RNF213: variants seen among roughly 807,000 people sequenced by gnomAD.
The protein encoded by RNF213 is ring finger protein 213.
In RNF213, 341 loss-of-function variants were observed where a neutral mutation model predicts 514.4. The observed-to-expected ratio is 0.66, with a 90% CI of 0.61 to 0.73. RNF213 has a LOEUF of 0.73. Ranked by LOEUF, RNF213 falls within the 30% of genes least tolerant of loss-of-function variation. The probability of loss-of-function intolerance (pLI) is 0.00; values close to 1 mark genes in which losing one functional copy is unlikely to be tolerated. For synonymous variants in RNF213, 2,655 were observed against 2,658.2 expected, an observed-to-expected ratio of 1.00 and a Z score of 0.04; for missense variants, 5,767 against 6,615.6, an observed-to-expected ratio of 0.87 and a Z score of 4.45.
At chr17:80,307,303 C>A in intron 13 of RNF213, 102 bp downstream of exon 13, 2 of 871,628 alleles carry the variant, frequency 2.3e-6, no homozygotes, top group Non-Finnish European at 1.9e-6. Context: ...GTTGTAACAG[C>A]AAGGTCATAA....
intron 3 of RNF213, among the ~76,000 whole-genome samples, chr17:80,275,476 T>C (rs1341067616): frequency 1.3e-5 from 2 of 151,872 alleles, no homozygotes; most frequent in Non-Finnish European, 2.9e-5. Flanking sequence ...CTTGGGGGAA[T>C]AAAATTTTGA....
chr17:80,354,538 C>G lies in RNF213; in HGVS notation c.10824C>G (p.Ala3608=), dbSNP rs773484495. The G allele has an allele frequency of 5.0e-6, 8 of 1,614,062 alleles. No individual in the cohort carries two copies. The highest frequency in any genetic ancestry group is 4.4e-5 in the South Asian group (4 of 91,086). Residue 3608 remains alanine, a synonymous_variant, in exon 36 of 68, where the codon GCC becomes GCG. Transcript: ENST00000582970. The part of the protein sequence containing the change: ...FHPLEWLARE[A]CNQDALQEAG... The stretch of plus-strand genomic sequence containing the variant: ...CTCTGGAGTGGTTGGCAAGGGAAGC[C>G]TGCAACCAGGACGCTCTCCAGGAGG...
Position 80,347,211 on chromosome 17 carries a change from T to A in RNF213, c.8876T>A (p.Leu2959His), listed in dbSNP as rs1376449803. 1 of 1,613,500 alleles carries A rather than the reference T, an allele frequency of 6.2e-7. No homozygotes were observed. Among genetic ancestry groups the A allele is most frequent in the Non-Finnish European group, 8.5e-7 (1 of 1,179,846 alleles). The change falls in exon 29 of 68, where the codon CTC becomes CAC. Residue 2959 changes from leucine (L) to histidine (H), a missense_variant. By Grantham distance (99) the Leu-to-His change is moderately conservative. Coordinates refer to ENST00000582970, the MANE Select transcript of RNF213 (RefSeq NM_001256071.3). The surrounding 1 kb of genome is among the most constrained non-coding windows in gnomAD (Gnocchi z 7.2). Reference sequence around the variant, plus strand: ...TTCGGGCTTCGTGACTACTACAGCCTCATCAAAATGGTCTTTGCTGCAGCA... The same window carrying A: ...TTCGGGCTTCGTGACTACTACAGCCACATCAAAATGGTCTTTGCTGCAGCA... ...EFFGLRDYYS[L>H]IKMVFAAAKA...
chr17:80,299,805 AC>A (rs551959547), intron 11 of RNF213, among the ~76,000 whole-genome samples: 64 of 152,224 alleles, frequency 4.2e-4, no homozygotes, highest in African/African-American at 1.5e-3. Context: ...ACAAGTGAGA[AC>A]CTGCGGTATT....
chr17:80,290,488 T>C (rs2044677435), intron 6 of RNF213, 82 bp from the exon 7 acceptor site: 1 of 1,304,174 alleles, frequency 7.7e-7, no homozygotes, highest in Non-Finnish European at 1.1e-6. Flanking sequence ...TGTGCGCACG[T>C]GTGTGTGTGC....
chr17:80,290,433 G>GTGTGTGCA, intron 6 of RNF213, 137 bp from the exon 7 acceptor site: 5 of 1,017,278 alleles, frequency 4.9e-6, no homozygotes, highest in Non-Finnish European at 7.6e-6. Flanking sequence ...GAGTGTGCGC[G>GTGTGTGCA]TGTGTGCATG....
At chr17:80,309,475 C>T (rs982129612) in intron 14 of RNF213, among the ~76,000 whole-genome samples, 1 of 152,176 alleles carries the variant, frequency 6.6e-6, no homozygotes, top group Non-Finnish European at 1.5e-5. Context: ...GGCTGGGGGT[C>T]AGGCAACGCC....
chr17:80,332,249 C>T lies in RNF213; in HGVS notation c.3761C>T (p.Ala1254Val). The stretch of plus-strand genomic sequence containing the variant: ...GAGCCTAAGGAGGACCAGGAAGCCG[C>T]AGAGTTGCTGAGTGAGCCCGAAGAA... ...LSEPKEDQEAAELLSEPEEES... is the reference protein window; with the variant it reads ...LSEPKEDQEAVELLSEPEEES... Residue 1254 changes from alanine to valine, a missense_variant, in exon 21 of 68, where the codon GCA becomes GTA. Physicochemically the swap from Ala to Val is moderately conservative, Grantham distance 64. This residue lies in a region of RNF213 where 516 missense variants were observed against 566.5 expected (regional missense o/e 0.91). Transcript: ENST00000582970. 1 of 1,537,228 alleles carries T rather than the reference C, an allele frequency of 6.5e-7. No individual in the cohort carries two copies. The highest frequency in any genetic ancestry group is 8.7e-7 in the Non-Finnish European group (1 of 1,146,928).
intron 18 of RNF213, among the ~76,000 whole-genome samples, chr17:80,326,217 C>T (rs572853616): frequency 9.9e-5 from 15 of 152,260 alleles, no homozygotes; most frequent in East Asian, 3.9e-4. Flanking sequence ...GCTGACCTCC[C>T]GGGCTCACGT....
chr17:80,352,805 T>C, intron 32 of RNF213, 135 bp from the exon 33 acceptor site: 5 of 1,381,308 alleles, frequency 3.6e-6, no homozygotes, highest in Non-Finnish European at 5.1e-6. Context: ...CATTCCAGGG[T>C]TTCGGCTTCA....
chr17:80,267,428 C>T (rs1038441491), intron 2 of RNF213, among the ~76,000 whole-genome samples: 3 of 151,980 alleles, frequency 2.0e-5, no homozygotes, highest in African/African-American at 4.8e-5. Context: ...GGCGACAGAG[C>T]GAGACTCCAT....
At chr17:80,342,792 C>T (rs889213677) in intron 26 of RNF213, among the ~76,000 whole-genome samples, 5 of 147,372 alleles carry the variant, frequency 3.4e-5, no homozygotes, top group East Asian at 2.0e-4. Context: ...GACAGAGTTT[C>T]GCTCTGTCAC....
chr17:80,374,524 C>G lies in RNF213; in HGVS notation c.13009C>G (p.Leu4337Val). 2 of 1,614,234 alleles carry G rather than the reference C, an allele frequency of 1.2e-6. No homozygotes were observed. Among genetic ancestry groups the G allele is most frequent in the Non-Finnish European group, 1.7e-6 (2 of 1,180,050 alleles). ...YLVYGDEYKA[L>V]RDAVAKAVLE... ...GGTGTACGGCGATGAATACAAGGCT[C>G]TCCGTGATGCTGTGGCCAAAGCTGT... Residue 4337 changes from leucine to valine, a missense_variant, in exon 50 of 68, where the codon CTC (leucine) becomes GTC (valine). Around this residue, in one of 13 missense-constraint regions of RNF213, gnomAD observed 1,245 missense variants for 1,339.0 expected, o/e 0.93. Transcript: ENST00000582970.
chr17:80,317,337 C>T lies in RNF213; in HGVS notation c.2901+60C>T. The T allele has an allele frequency of 6.8e-7, 1 of 1,468,254 alleles. No individual in the cohort carries two copies. Among genetic ancestry groups the T allele is most frequent in the Non-Finnish European group, 9.4e-7 (1 of 1,059,716 alleles). 91.0% of individuals were successfully genotyped at this position (1,468,254 alleles called of 1,614,324 possible). ...TGAAGGCAAGCTGGAGAACCCCAGACCATTAGCGACAGCCAAGAGATCTCA... is the reference window on the plus strand; with the variant it reads ...TGAAGGCAAGCTGGAGAACCCCAGATCATTAGCGACAGCCAAGAGATCTCA... On this transcript the variant is annotated intron_variant, in intron 16 of 67. Transcript: ENST00000582970. This position sits in a 1 kb window ranked among gnomAD's most constrained non-coding sequence, Gnocchi z 4.1.
Position 80,364,469 on chromosome 17 carries a change from C to T in RNF213, c.11787C>T (p.Phe3929=), listed in dbSNP as rs780485953. 7.4e-6 allele frequency: 12 copies of T among 1,614,026 alleles called. No individual in the cohort carries two copies. The highest frequency in any genetic ancestry group is 4.5e-5 in the East Asian group (2 of 44,892). The change falls in exon 42 of 68, where the codon TTC becomes TTT. Residue 3929 remains phenylalanine, a synonymous_variant. Coordinates refer to ENST00000582970, the MANE Select transcript of RNF213 (RefSeq NM_001256071.3). The part of the protein sequence containing the change: ...QWSRIFSTAL[F]VEHVLLGTES... ...GTCGGATTTTCTCCACCGCACTCTTCGTGGAGCACGTGCTCCTAGGAACCG... is the reference window on the plus strand; with the variant it reads ...GTCGGATTTTCTCCACCGCACTCTTTGTGGAGCACGTGCTCCTAGGAACCG...
Position 80,288,618 on chromosome 17 carries a change from T to A in RNF213, c.811-15T>A. On this transcript the variant is annotated splice_polypyrimidine_tract_variant and intron_variant, in intron 4 of 67. Transcript: ENST00000582970. The surrounding 1 kb of genome is among the most constrained non-coding windows in gnomAD (Gnocchi z 4.9). Reference sequence around the variant, plus strand: ...CCATTTTGTCACCTTGGCTCTGGTGTTTGGGGTCTTTCAGGCAGTTGATGC... The same window carrying A: ...CCATTTTGTCACCTTGGCTCTGGTGATTGGGGTCTTTCAGGCAGTTGATGC... 6.2e-7 allele frequency: 1 copy of A among 1,614,084 alleles called. No homozygotes were observed. The highest frequency in any genetic ancestry group is 8.5e-7 in the Non-Finnish European group (1 of 1,180,020).
At chr17:80,274,845 A>G (rs1366676233) in intron 3 of RNF213, among the ~76,000 whole-genome samples, 1 of 21,370 alleles carries the variant, frequency 4.7e-5, no homozygotes, top group Non-Finnish European at 8.5e-5. Flanking sequence ...GTGGGGGGTG[A>G]GTGGGGTGTG....
chr17:80,351,826 GGTATTTATTTAT>G (rs781460455), intron 32 of RNF213, 23 bp downstream of exon 32: 8 of 1,192,408 alleles, frequency 6.7e-6, no homozygotes, highest in South Asian at 2.4e-5. Context: ...CATCAGTCAG[GGTATTTATTTAT>G]GTATTTATTT....
chr17:80,377,146 C>A lies in RNF213; in HGVS notation c.13510+183C>A. The A allele has an allele frequency of 1.6e-6, 1 of 629,014 alleles. No individual in the cohort carries two copies. The highest frequency in any genetic ancestry group is 1.8e-5 in the South Asian group (1 of 56,482). The allele number at this position is 629,014 out of a possible 1,614,324, so 39.0% of individuals were successfully genotyped here. ...CTTGAAGGAGCTGGCACTCCGCCGG[C>A]TAGATGATCCAAACCATTTCATTTC... On this transcript the variant is annotated intron_variant, in intron 53 of 67. Coordinates refer to ENST00000582970, the MANE Select transcript of RNF213 (RefSeq NM_001256071.3). This position sits in a 1 kb window ranked among gnomAD's most constrained non-coding sequence, Gnocchi z 4.1.
Sources: allele counts gnomAD v4.1 joint callset (sites outside exome capture counted in the v4.1 genomes callset), GRCh38; gene constraint gnomAD v4.1.1; regional missense constraint gnomAD v4.1.1; non-coding constraint Gnocchi (gnomAD v3.1); transcripts MANE v1.5; gene names NCBI Gene and HGNC (gene_info 2026-07-23, HGNC 2026-07-21).